Variants in CATSPERE observed in about 807,000 individuals in gnomAD.
CATSPERE encodes catsper channel auxiliary subunit epsilon.
Under a neutral mutation model 114.1 loss-of-function variants are expected in CATSPERE, and 93 were observed. The ratio of observed to expected loss-of-function variants is 0.81; its 90% CI spans 0.69 to 0.97. The LOEUF is 0.97. Among genes scored for constraint, CATSPERE ranks in the 50% least tolerant of loss-of-function variants. The pLI is 0.00. For missense variants in CATSPERE, 1,058 were observed against 1,131.6 expected (o/e 0.93, Z 0.93); for synonymous variants, 341 against 384.1 (o/e 0.89, Z 1.31).
At chr1:244,557,900 C>T (rs557921493) in intron 9 of CATSPERE, among the ~76,000 whole-genome samples, 27 of 151,838 alleles carry the variant, frequency 1.8e-4, no homozygotes, top group Non-Finnish European at 3.5e-4. Flanking sequence ...AGCTTGTATA[C>T]ACTTGTATGT....
At chr1:244,487,813 G>A (rs73129788) in intron 5 of CATSPERE, among the ~76,000 whole-genome samples, 4 of 152,248 alleles carry the variant, frequency 2.6e-5, no homozygotes. Context: ...CTGTACGGGA[G>A]CCAAAACCCC....
At chr1:244,505,155 T>C (rs1674629044) in intron 7 of CATSPERE, among the ~76,000 whole-genome samples, 1 of 152,110 alleles carries the variant, frequency 6.6e-6, no homozygotes, top group Non-Finnish European at 1.5e-5. Context: ...GTTTGGTTGT[T>C]TTGTTGTTTT....
rs201672348 is a variant in CATSPERE, at chr1:244,621,315, A to AATATATATATAT, written c.2648+3648_2648+3659dup. The stretch of plus-strand genomic sequence containing the variant: ...TCTATATAAATATATAAATATATAA[A>AATATATATATAT]ATATATATATATATATATATATATA... On this transcript the variant is annotated intron_variant, in intron 20 of 21. Coordinates refer to ENST00000366534, the MANE Select transcript of CATSPERE (RefSeq NM_001130957.2). 3.0e-3 allele frequency among the ~76,000 whole-genome samples: 80 copies of AATATATATATAT among 26,314 alleles called. 7 individuals carry two copies. The highest frequency in any genetic ancestry group is 4.4e-3 in the Non-Finnish European group (67 of 15,264). The allele number at this position is 26,314 out of a possible 152,430, so 17.3% of individuals were successfully genotyped here.
In CATSPERE at chr1:244,526,778, G is replaced by A. The variant is rs574742656; in HGVS notation, c.536+8080G>A. Among the ~76,000 whole-genome samples, 70 of 151,910 alleles carry A rather than the reference G, an allele frequency of 4.6e-4. 1 individual carries two copies. In the South Asian group the frequency reaches 9.6e-3, roughly 21 times the overall value. ...GAACCTGCCCCCGCTAGTCACATAG[G>A]TTCTTTTCTATTTTCCCTAAGTGTC... is the stretch of plus-strand genomic sequence containing the variant. On this transcript the variant is annotated intron_variant, in intron 8 of 21. Coordinates refer to ENST00000366534, the MANE Select transcript of CATSPERE (RefSeq NM_001130957.2).
chr1:244,576,691 C>A (rs1665313936), intron 11 of CATSPERE, among the ~76,000 whole-genome samples: 1 of 151,888 alleles, frequency 6.6e-6, no homozygotes, highest in Non-Finnish European at 1.5e-5. Context: ...CATGTTACTT[C>A]AATTTCTTCT....
rs1326301483 is a variant in CATSPERE, at chr1:244,486,791, C to T, written c.327-3656C>T. ...TGGGTGGTCCAGCATGTGGAGTACT[C>T]GTGGGCCAGGTGTAGACCCTCGTAG... On this transcript the variant is annotated intron_variant, in intron 5 of 21. Transcript: ENST00000366534. Among the ~76,000 whole-genome samples the T allele has an allele frequency of 6.1e-5, 6 of 98,224 alleles. No homozygotes were observed. In the South Asian group the frequency reaches 1.5e-3, roughly 25 times the overall value. The allele number at this position is 98,224 out of a possible 152,430, so 64.4% of individuals were successfully genotyped here. A position where few individuals can be genotyped will look rare whatever the true frequency, so the allele number is the denominator to read the frequency against.
At chr1:244,626,598 A>G (rs951175965) in intron 20 of CATSPERE, among the ~76,000 whole-genome samples, 5 of 151,654 alleles carry the variant, frequency 3.3e-5, no homozygotes, top group African/African-American at 1.2e-4. Context: ...CAATCATCTT[A>G]GCTAGATCTT....
intron 20 of CATSPERE, among the ~76,000 whole-genome samples, chr1:244,624,262 C>T (rs143439568): frequency 0.01 from 1,541 of 151,970 alleles, 8 homozygotes; most frequent in Middle Eastern, 0.037. Context: ...TGAGCCACCA[C>T]GCCTGGCCGG....
chr1:244,554,505 C>T (rs539154831), intron 9 of CATSPERE, among the ~76,000 whole-genome samples: 36 of 152,050 alleles, frequency 2.4e-4, no homozygotes, highest in African/African-American at 8.7e-4. Context: ...GCCAGGGCAA[C>T]ATGGTGAGAC....
chr1:244,580,827 C>G (rs1436603584), intron 11 of CATSPERE, among the ~76,000 whole-genome samples: 1 of 151,942 alleles, frequency 6.6e-6, no homozygotes, highest in Non-Finnish European at 1.5e-5. Context: ...ATGGTGAAAC[C>G]CCGTCTCTAC....
chr1:244,560,341 G>A, intron 9 of CATSPERE, among the ~76,000 whole-genome samples: 1 of 143,870 alleles, frequency 7.0e-6, no homozygotes, highest in Non-Finnish European at 1.5e-5. Context: ...TTAGACCTTG[G>A]TAGCTAAGGT....
chr1:244,551,930 G>A (rs566740390), intron 8 of CATSPERE, among the ~76,000 whole-genome samples: 2 of 151,948 alleles, frequency 1.3e-5, no homozygotes, highest in East Asian at 3.9e-4. Context: ...CAGGCGTGGT[G>A]GTGGGTGCCT....
intron 20 of CATSPERE, among the ~76,000 whole-genome samples, chr1:244,621,285 A>T (rs1188748744): frequency 8.1e-5 from 10 of 124,196 alleles, no homozygotes; most frequent in Non-Finnish European, 1.2e-4. Flanking sequence ...ATCTATATAG[A>T]TATATCTATA....
rs756075614 is a variant in CATSPERE, at chr1:244,572,615, T to C, written c.1793T>C (p.Phe598Ser). The C allele has an allele frequency of 5.6e-6, 9 of 1,614,032 alleles. No individual in the cohort carries two copies. The African/African-American group carries it at 8.0e-5, about 14-fold the overall frequency. Reference protein sequence around the residue: ...FHNNVAHVFYFLDKGEALTVW... With the variant: ...FHNNVAHVFYSLDKGEALTVW... ...AACAATGTTGCTCATGTTTTTTACT[T>C]TTTGGACAAGGGAGAGGCTCTGACA... Residue 598 changes from phenylalanine (F) to serine (S), a missense_variant, in exon 11 of 22, where the codon TTT becomes TCT. Around this residue, in one of 2 missense-constraint regions of CATSPERE, gnomAD observed 787 missense variants for 905.6 expected, o/e 0.87. Coordinates refer to ENST00000366534, the MANE Select transcript of CATSPERE (RefSeq NM_001130957.2).
At chr1:244,627,542 T>G (rs1673363101) in intron 20 of CATSPERE, among the ~76,000 whole-genome samples, 1 of 151,820 alleles carries the variant, frequency 6.6e-6, no homozygotes, top group Non-Finnish European at 1.5e-5. Context: ...GCCACTGCCC[T>G]CTAGCCTGGA....
At chr1:244,455,839 A>T (rs1666110644) in intron 1 of CATSPERE, among the ~76,000 whole-genome samples, 1 of 151,914 alleles carries the variant, frequency 6.6e-6, no homozygotes. Flanking sequence ...CAAGAATTAA[A>T]AGCAGACAGA....
intron 20 of CATSPERE, among the ~76,000 whole-genome samples, chr1:244,621,664 A>G (rs1211336208): frequency 2.0e-5 from 3 of 152,100 alleles, no homozygotes; most frequent in Non-Finnish European, 4.4e-5. Flanking sequence ...GGTTTATTAG[A>G]TACAGAATAC....
chr1:244,530,721 AGATCT>A (rs1487974363), intron 8 of CATSPERE, among the ~76,000 whole-genome samples: 1 of 152,056 alleles, frequency 6.6e-6, no homozygotes, highest in Non-Finnish European at 1.5e-5. Flanking sequence ...TTCATTGCAG[AGATCT>A]TTCAATTCTT....
chr1:244,603,790 G>C (rs143727075), intron 17 of CATSPERE, among the ~76,000 whole-genome samples: 8 of 152,140 alleles, frequency 5.3e-5, no homozygotes, highest in African/African-American at 1.9e-4. Context: ...AGGGTGGTTT[G>C]AGGCCAGGTG....
Sources: gnomAD v4.1 joint callset for allele counts (sites outside exome capture counted in the v4.1 genomes callset) on GRCh38, gnomAD v4.1.1 for gene constraint, gnomAD v4.1.1 regional missense constraint, MANE v1.5 for transcripts, NCBI Gene and HGNC (gene_info 2026-07-23, HGNC 2026-07-21) for gene names.